SGCZ: variants seen among roughly 807,000 people sequenced by gnomAD.
The protein encoded by SGCZ is sarcoglycan zeta.
A neutral mutation model predicts 41.3 loss-of-function variants in SGCZ; 40 were observed. The observed-to-expected ratio is 0.97, with a 90% confidence interval of 0.75 to 1.26. The LOEUF (loss-of-function observed/expected upper bound fraction) is 1.26. SGCZ is among the 50% of genes most tolerant of loss of function. SGCZ has a pLI of 0.00. For synonymous variants in SGCZ, 206 were observed against 137.5 expected (o/e 1.50, Z -3.49); for missense variants, 552 against 369.8 (o/e 1.49, Z -4.04).
At chr8:14,912,702 A>T (rs1207191288) in intron 1 of SGCZ, among the ~76,000 whole-genome samples, 1 of 152,134 alleles carries the variant, frequency 6.6e-6, no homozygotes, top group Non-Finnish European at 1.5e-5. Flanking sequence ...GTCAAAGATG[A>T]TGGCATATCT....
chr8:14,644,019 TA>T (rs1807118763), intron 1 of SGCZ, among the ~76,000 whole-genome samples: 1 of 151,668 alleles, frequency 6.6e-6, no homozygotes, highest in Admixed American at 6.6e-5. Context: ...GGTAGTATTT[TA>T]CATGTAAGGT....
intron 4 of SGCZ, among the ~76,000 whole-genome samples, chr8:14,204,875 C>T (rs976522640): frequency 5.3e-5 from 8 of 152,112 alleles, no homozygotes; most frequent in Non-Finnish European, 8.8e-5. Context: ...ACGTCATTGG[C>T]TTTCCTGGTT....
chr8:15,127,178 A>C (rs1247973630), intron 1 of SGCZ, among the ~76,000 whole-genome samples: 1 of 152,034 alleles, frequency 6.6e-6, no homozygotes, highest in African/African-American at 2.4e-5. Context: ...ACAGGCTACA[A>C]CTATTATCCC....
chr8:14,681,138 A>G (rs1178670860), intron 1 of SGCZ, among the ~76,000 whole-genome samples: 1 of 152,122 alleles, frequency 6.6e-6, no homozygotes, highest in African/African-American at 2.4e-5. Flanking sequence ...TAAATTAAAG[A>G]AAAAATAGTC....
intron 1 of SGCZ, among the ~76,000 whole-genome samples, chr8:14,586,226 G>C (rs1005749478): frequency 6.6e-6 from 1 of 151,966 alleles, no homozygotes; most frequent in Non-Finnish European, 1.5e-5. Context: ...TTTTGTTTTT[G>C]TTTTTCCCTC....
intron 2 of SGCZ, among the ~76,000 whole-genome samples, chr8:14,332,159 T>C (rs943421614): frequency 1.3e-5 from 2 of 152,030 alleles, no homozygotes; most frequent in African/African-American, 4.8e-5. Flanking sequence ...ATGATGACCG[T>C]GCACAGTGGC....
Position 14,996,980 on chromosome 8 carries a change from T to C in SGCZ, c.39+240605A>G, listed in dbSNP as rs923277980. Among the ~76,000 whole-genome samples the C allele has an allele frequency of 1.5e-4, 23 of 152,200 alleles. 1 individual carries two copies. Among genetic ancestry groups the C allele is most frequent in the Admixed American group, 1.4e-3 (22 of 15,282 alleles). ...CTACTCTACATAGTAAGGAAGACGC[T>C]CTTTTGTGTTCATTTGAAAAGGGTA... On this transcript the variant is annotated intron_variant, in intron 1 of 7. Transcript: ENST00000382080.
At chr8:15,022,702 T>C (rs983850832) in intron 1 of SGCZ, among the ~76,000 whole-genome samples, 8 of 152,316 alleles carry the variant, frequency 5.3e-5, no homozygotes, top group Admixed American at 4.6e-4. Context: ...ATCAGTATGC[T>C]AGCAATGCAA....
At chr8:14,578,641 T>A (rs1804790514) in intron 1 of SGCZ, among the ~76,000 whole-genome samples, 1 of 152,186 alleles carries the variant, frequency 6.6e-6, no homozygotes, top group Non-Finnish European at 1.5e-5. Context: ...CTAGGGCACA[T>A]TCTGAGGTCA....
At chr8:14,097,373 A>G (rs1801878374) in intron 7 of SGCZ, among the ~76,000 whole-genome samples, 2 of 152,148 alleles carry the variant, frequency 1.3e-5, no homozygotes. Context: ...ATTCAGGAGC[A>G]GGTTGTTCAG....
At chr8:14,123,601 G>A (rs1451568721) in intron 5 of SGCZ, among the ~76,000 whole-genome samples, 1 of 152,114 alleles carries the variant, frequency 6.6e-6, no homozygotes, top group Non-Finnish European at 1.5e-5. Flanking sequence ...TTATTTCTCT[G>A]TAGCAATGCA....
intron 5 of SGCZ, among the ~76,000 whole-genome samples, chr8:14,114,010 T>G (rs1802449383): frequency 6.6e-6 from 1 of 152,032 alleles, no homozygotes; most frequent in South Asian, 2.1e-4. Context: ...CTTCTCCTTC[T>G]GCCCAGTTGC....
At chr8:15,045,790 A>G (rs952716876) in intron 1 of SGCZ, among the ~76,000 whole-genome samples, 3 of 152,076 alleles carry the variant, frequency 2.0e-5, no homozygotes, top group Admixed American at 2.0e-4. Flanking sequence ...TAATCAGAGC[A>G]GTAGTCAATT....
intron 7 of SGCZ, among the ~76,000 whole-genome samples, chr8:14,099,454 C>T (rs888987553): frequency 2.6e-5 from 4 of 152,136 alleles, no homozygotes; most frequent in Admixed American, 6.5e-5. Flanking sequence ...TGGTCAGGTG[C>T]GGTGGCTCAC....
chr8:15,165,644 C>T (rs1336896044), intron 1 of SGCZ, among the ~76,000 whole-genome samples: 4 of 152,146 alleles, frequency 2.6e-5, no homozygotes. Flanking sequence ...ATTGAAACTA[C>T]TAGAAATATA....
chr8:14,898,844 T>C (rs1317650083), intron 1 of SGCZ, among the ~76,000 whole-genome samples: 1 of 152,202 alleles, frequency 6.6e-6, no homozygotes, highest in African/African-American at 2.4e-5. Flanking sequence ...TTGTATGCAT[T>C]GTGTGAGGAT....
intron 1 of SGCZ, among the ~76,000 whole-genome samples, chr8:15,221,927 G>T (rs117107884): frequency 3.3e-5 from 5 of 152,146 alleles, no homozygotes; most frequent in African/African-American, 1.2e-4. Flanking sequence ...CCCACACAAC[G>T]TTATCTCTGT....
chr8:14,798,530 G>C (rs1801211790), intron 1 of SGCZ, among the ~76,000 whole-genome samples: 1 of 151,928 alleles, frequency 6.6e-6, no homozygotes, highest in Non-Finnish European at 1.5e-5. Context: ...GTTTCTGAAA[G>C]AAAAAAAGCA....
intron 2 of SGCZ, among the ~76,000 whole-genome samples, chr8:14,398,041 C>G (rs1798968473): frequency 6.6e-6 from 1 of 152,004 alleles, no homozygotes; most frequent in African/African-American, 2.4e-5. Flanking sequence ...TCAAAGGACC[C>G]TTTTTGTGAC....
Sources: gnomAD v4.1 joint callset for allele counts (sites outside exome capture counted in the v4.1 genomes callset) on GRCh38, gnomAD v4.1.1 for gene constraint, MANE v1.5 for transcripts, NCBI Gene and HGNC (gene_info 2026-07-23, HGNC 2026-07-21) for gene names.